Variants in CHST9 observed in about 807,000 individuals in gnomAD.
The protein encoded by CHST9 is GalNAc-4-sulfotransferase 2.
A neutral mutation model predicts 44.4 loss-of-function variants in CHST9; 41 were observed. The ratio of observed to expected loss-of-function variants is 0.92; its 90% CI spans 0.72 to 1.20. The LOEUF (loss-of-function observed/expected upper bound fraction) is 1.20. CHST9 is among the 50% of genes most tolerant of loss of function. The pLI is 0.00. For synonymous variants in CHST9, 171 were observed against 178.4 expected (o/e 0.96, Z 0.33); for missense variants, 504 against 516.5 (o/e 0.98, Z 0.23).
In CHST9 at chr18:26,928,146, A is replaced by G. The variant is rs555285958; in HGVS notation, c.241-10796T>C. ...ATAAACAGCATCTCAAGGCAGAAGA[A>G]TTTTTCTTAGTACAGAGCAAAATGG... On this transcript the variant is annotated intron_variant, in intron 5 of 5. Coordinates refer to ENST00000618847, the MANE Select transcript of CHST9 (RefSeq NM_031422.6). 3 of 152,902 alleles carry G rather than the reference A, an allele frequency of 2.0e-5. No individual in the cohort carries two copies. In the South Asian group the frequency reaches 6.2e-4, roughly 32 times the overall value. 9.5% of individuals were successfully genotyped at this position (152,902 alleles called of 1,614,324 possible). A position where few individuals can be genotyped will look rare whatever the true frequency, so the allele number is the denominator to read the frequency against.
intron 2 of CHST9, among the ~76,000 whole-genome samples, chr18:27,101,520 G>A (rs761598215): frequency 1.3e-5 from 2 of 151,968 alleles, no homozygotes; most frequent in East Asian, 1.9e-4. Context: ...TGAGGCCGGA[G>A]AATGGAGTGA....
intron 2 of CHST9, among the ~76,000 whole-genome samples, chr18:27,111,602 A>G (rs535122140): frequency 6.6e-6 from 1 of 152,310 alleles, no homozygotes; most frequent in South Asian, 2.1e-4. Flanking sequence ...ACAGTTCAAG[A>G]TCACCCACTG....
intron 1 of CHST9, among the ~76,000 whole-genome samples, chr18:27,160,837 G>A (rs1239925750): frequency 6.6e-6 from 1 of 152,126 alleles, no homozygotes; most frequent in Non-Finnish European, 1.5e-5. Context: ...GTTTAGTCTT[G>A]GGAGGTTGTA....
At chr18:26,981,639 G>T (rs1192648822) in intron 4 of CHST9, among the ~76,000 whole-genome samples, 1 of 152,188 alleles carries the variant, frequency 6.6e-6, no homozygotes, top group Admixed American at 6.5e-5. Context: ...TTGGAGGTAT[G>T]ATTTCTGTGG....
intron 2 of CHST9, among the ~76,000 whole-genome samples, chr18:27,123,518 T>C (rs576737329): frequency 1.3e-5 from 2 of 152,178 alleles, no homozygotes; most frequent in South Asian, 4.1e-4. Flanking sequence ...AGATAGACCA[T>C]CATGCTGTGG....
intron 4 of CHST9, among the ~76,000 whole-genome samples, chr18:26,992,819 T>C (rs1305726125): frequency 6.6e-6 from 1 of 152,206 alleles, no homozygotes; most frequent in African/African-American, 2.4e-5. Flanking sequence ...TAGTTTTAAA[T>C]AAAAAGAACA....
At chr18:27,126,201 C>A (rs9966121) in intron 2 of CHST9, among the ~76,000 whole-genome samples, 1,606 of 152,266 alleles carry the variant, frequency 0.011, 23 homozygotes, top group African/African-American at 0.034. Flanking sequence ...TTGGAGGTTG[C>A]TACATGTGCC....
chr18:26,958,329 TA>T (rs891012677), intron 4 of CHST9, among the ~76,000 whole-genome samples: 1 of 151,830 alleles, frequency 6.6e-6, no homozygotes, highest in African/African-American at 2.4e-5. Context: ...CTTTGACTCT[TA>T]AAAGAATGAG....
chr18:27,165,379 T>A (rs988095249), intron 1 of CHST9, among the ~76,000 whole-genome samples: 1 of 152,142 alleles, frequency 6.6e-6, no homozygotes, highest in Non-Finnish European at 1.5e-5. Context: ...ATGAAAGCAC[T>A]GACTCTAAAC....
intron 1 of CHST9, among the ~76,000 whole-genome samples, chr18:27,173,387 T>C (rs2058846810): frequency 3.3e-5 from 5 of 152,060 alleles, no homozygotes; most frequent in Admixed American, 3.3e-4. Context: ...TGTAGACATT[T>C]TAGTGAAAAT....
chr18:27,147,267 G>A (rs1567937851), intron 1 of CHST9, among the ~76,000 whole-genome samples: 1 of 151,862 alleles, frequency 6.6e-6, no homozygotes, highest in South Asian at 2.1e-4. Flanking sequence ...GGGTTTCTCC[G>A]TGTTTGTCAG....
At chr18:27,115,342 G>A (rs2058310623) in intron 2 of CHST9, among the ~76,000 whole-genome samples, 1 of 151,952 alleles carries the variant, frequency 6.6e-6, no homozygotes, top group Non-Finnish European at 1.5e-5. Flanking sequence ...ATTTTTCTGT[G>A]GGCATATATT....
At chr18:26,920,785 G>A (rs917918605) in intron 5 of CHST9, among the ~76,000 whole-genome samples, 1 of 152,138 alleles carries the variant, frequency 6.6e-6, no homozygotes, top group Non-Finnish European at 1.5e-5. Context: ...TAAACCTTTG[G>A]CAAAAGAGAA....
intron 4 of CHST9, among the ~76,000 whole-genome samples, chr18:26,973,750 A>T (rs191846816): frequency 4.2e-4 from 64 of 152,294 alleles, no homozygotes; most frequent in African/African-American, 1.5e-3. Flanking sequence ...CACTCTGAGC[A>T]TGCTGGGCCC....
At chr18:27,156,090 A>G (rs1022747865) in intron 1 of CHST9, among the ~76,000 whole-genome samples, 9 of 152,204 alleles carry the variant, frequency 5.9e-5, no homozygotes, top group South Asian at 2.1e-4. Context: ...CTTTTAATAT[A>G]CATTAATAAA....
At chr18:27,052,276 ATGTATATATATG>A (rs60122444) in intron 2 of CHST9, among the ~76,000 whole-genome samples, 50,324 of 149,048 alleles carry the variant, frequency 0.34, 9,680 homozygotes, top group Non-Finnish European at 0.45. Context: ...GTGTATATAT[ATGTATATATATG>A]TGTGTATATA....
chr18:27,006,430 G>T (rs534336468), intron 4 of CHST9, among the ~76,000 whole-genome samples: 26 of 152,276 alleles, frequency 1.7e-4, no homozygotes, highest in African/African-American at 6.0e-4. Flanking sequence ...TGTGGGTCAT[G>T]AACTGAATCT....
intron 2 of CHST9, among the ~76,000 whole-genome samples, chr18:27,095,562 C>T (rs9963374): frequency 0.01 from 1,590 of 152,158 alleles, 25 homozygotes; most frequent in African/African-American, 0.034. Context: ...AACATAATGA[C>T]GCCAATAGGC....
chr18:26,985,738 C>T (rs2056747533), intron 4 of CHST9, among the ~76,000 whole-genome samples: 1 of 152,088 alleles, frequency 6.6e-6, no homozygotes, highest in Non-Finnish European at 1.5e-5. Flanking sequence ...AGGGAAAGAA[C>T]CTGGGTTAGA....
Sources: gnomAD v4.1 joint callset for allele counts (sites outside exome capture counted in the v4.1 genomes callset) on GRCh38, gnomAD v4.1.1 for gene constraint, MANE v1.5 for transcripts, NCBI Gene and HGNC (gene_info 2026-07-23, HGNC 2026-07-21) for gene names.